The following PDE4B variants were observed in gnomAD, a reference collection of about 807,000 sequenced individuals.
PDE4B encodes the protein phosphodiesterase 4B, also known as 3',5'-cyclic-AMP phosphodiesterase 4B.
In PDE4B, 20 loss-of-function variants were observed where a neutral mutation model predicts 82.2. That is an observed-to-expected ratio of 0.24 (90% confidence interval 0.17 to 0.35). The LOEUF is 0.35. Among genes scored for constraint, PDE4B ranks in the 10% least tolerant of loss-of-function variants. The pLI, the probability that PDE4B is intolerant of heterozygous loss-of-function variation, is 1.00. For synonymous variants in PDE4B, 320 were observed against 318.9 expected (o/e 1.00, Z -0.04); for missense variants, 655 against 907.2 (o/e 0.72, Z 3.57).
At chr1:66,015,970 G>A (rs886850963) in intron 3 of PDE4B, among the ~76,000 whole-genome samples, 11 of 152,168 alleles carry the variant, frequency 7.2e-5, no homozygotes, top group African/African-American at 1.9e-4. Context: ...GCTAGGCATT[G>A]GAGAAATTGA....
intron 3 of PDE4B, among the ~76,000 whole-genome samples, chr1:65,988,056 C>T (rs1031215959): frequency 6.6e-6 from 1 of 152,130 alleles, no homozygotes; most frequent in African/African-American, 2.4e-5. Context: ...AAGACTCAGC[C>T]CAGCCCAAAA....
At chr1:66,162,907 T>C (rs576459229) in intron 3 of PDE4B, among the ~76,000 whole-genome samples, 19 of 152,304 alleles carry the variant, frequency 1.2e-4, no homozygotes, top group African/African-American at 3.6e-4. Context: ...TTTTTGACTG[T>C]AAGAAACAGA....
intron 3 of PDE4B, among the ~76,000 whole-genome samples, chr1:66,196,287 C>T (rs1648289989): frequency 6.6e-6 from 1 of 152,208 alleles, no homozygotes; most frequent in African/African-American, 2.4e-5. Context: ...CACTTTTCTT[C>T]TCTGAACTTT....
intron 1 of PDE4B, among the ~76,000 whole-genome samples, chr1:65,879,278 C>A (rs1433983600): frequency 6.6e-6 from 1 of 152,138 alleles, no homozygotes; most frequent in Non-Finnish European, 1.5e-5. Context: ...TAACAGATAA[C>A]TACTGTGTAG....
rs867712956 is a variant in PDE4B at position 66,204,410 on chromosome 1, G to T, written c.282-43050G>T. Among the ~76,000 whole-genome samples the T allele has an allele frequency of 3.9e-5, 6 of 152,298 alleles. No individual in the cohort carries two copies. The Middle Eastern group carries it at 0.01, about 259-fold the overall frequency. On this transcript the variant is annotated intron_variant, in intron 3 of 16. Coordinates refer to ENST00000341517, the MANE Select transcript of PDE4B (RefSeq NM_002600.4). The stretch of plus-strand genomic sequence containing the variant: ...GACGTTTAAGTTTGCAGAGGTTACT[G>T]CTGTCTTTTTGTTTGTCTGTGCCCT...
chr1:65,890,449 T>C (rs549083179), intron 1 of PDE4B, among the ~76,000 whole-genome samples: 31 of 152,212 alleles, frequency 2.0e-4, no homozygotes, highest in African/African-American at 7.0e-4. Context: ...TTAGTTTCAG[T>C]TGAGCTTTGC....
chr1:66,203,548 T>G (rs549502128), intron 3 of PDE4B, among the ~76,000 whole-genome samples: 1 of 152,284 alleles, frequency 6.6e-6, no homozygotes, highest in Non-Finnish European at 1.5e-5. Context: ...GTTCGTTTCT[T>G]TTTATTCTTT....
intron 3 of PDE4B, among the ~76,000 whole-genome samples, chr1:66,019,380 G>C (rs1652964356): frequency 8.2e-6 from 1 of 122,332 alleles, no homozygotes; most frequent in Non-Finnish European, 1.7e-5. Flanking sequence ...TTTTGAGATG[G>C]AGTCTTGCTC....
chr1:66,313,329 C>G (rs954050613), intron 7 of PDE4B, among the ~76,000 whole-genome samples: 1 of 152,234 alleles, frequency 6.6e-6, no homozygotes, highest in African/African-American at 2.4e-5. Context: ...ACTCTCAAAA[C>G]AGTCTTGCTG....
intron 7 of PDE4B, among the ~76,000 whole-genome samples, chr1:66,308,959 AG>A (rs1212677106): frequency 6.6e-6 from 1 of 152,206 alleles, no homozygotes; most frequent in East Asian, 1.9e-4. Context: ...ATTAGAAAAA[AG>A]AAGGTTCAAA....
Position 66,278,779 on chromosome 1 carries a change from C to T in PDE4B, c.634+12692C>T, listed in dbSNP as rs549272511. 1.1e-4 allele frequency among the ~76,000 whole-genome samples: 16 copies of T among 151,814 alleles called. 1 individual carries two copies. Among genetic ancestry groups the T allele is most frequent in the South Asian group, 1.0e-3 (5 of 4,794 alleles). ...CATGCAGCTGCACGGGGTACCTGCC[C>T]GGACAAACAATGAATCCTTCAGCTC... On this transcript the variant is annotated intron_variant, in intron 7 of 16. Coordinates refer to ENST00000341517, the MANE Select transcript of PDE4B (RefSeq NM_002600.4).
chr1:66,332,475 A>G, intron 7 of PDE4B, 33 bp from the exon 8 acceptor site: 1 of 1,614,204 alleles, frequency 6.2e-7, no homozygotes. Flanking sequence ...CAGCCGCTCC[A>G]GCCTAACTAC....
At chr1:66,114,588 A>G (rs1282316471) in intron 3 of PDE4B, among the ~76,000 whole-genome samples, 1 of 151,068 alleles carries the variant, frequency 6.6e-6, no homozygotes, top group African/African-American at 2.4e-5. Flanking sequence ...AACACAGACT[A>G]TGTCTTACTT....
At chr1:66,178,893 G>T (rs558180845) in intron 3 of PDE4B, among the ~76,000 whole-genome samples, 10 of 151,758 alleles carry the variant, frequency 6.6e-5, no homozygotes, top group African/African-American at 2.4e-4. Flanking sequence ...ATCTTGCTGC[G>T]CAGGCTGGAG....
At chr1:65,873,804 T>C (rs1378299689) in intron 1 of PDE4B, among the ~76,000 whole-genome samples, 1 of 152,214 alleles carries the variant, frequency 6.6e-6, no homozygotes, top group Non-Finnish European at 1.5e-5. Flanking sequence ...AGGTAGAGAT[T>C]TTTAAAACAA....
chr1:65,994,270 C>T (rs763861581), intron 3 of PDE4B, among the ~76,000 whole-genome samples: 31 of 152,138 alleles, frequency 2.0e-4, no homozygotes, highest in South Asian at 6.2e-4. Context: ...ATTAAAGTTA[C>T]GCCTAGAAAT....
chr1:65,805,719 A>G (rs905519742), intron 1 of PDE4B, among the ~76,000 whole-genome samples: 11 of 152,098 alleles, frequency 7.2e-5, no homozygotes, highest in East Asian at 1.9e-4. Flanking sequence ...TTTTTCTTCT[A>G]TTTTACACCT....
chr1:65,940,585 T>C (rs1282839668), intron 3 of PDE4B, among the ~76,000 whole-genome samples: 1 of 151,830 alleles, frequency 6.6e-6, no homozygotes, highest in East Asian at 1.9e-4. Context: ...AGTGAAAGGA[T>C]TTAATTGCTT....
intron 1 of PDE4B, among the ~76,000 whole-genome samples, chr1:65,869,350 A>G (rs574178336): frequency 1.4e-3 from 207 of 152,334 alleles, no homozygotes; most frequent in African/African-American, 4.6e-3. Context: ...ATCATTCAAG[A>G]ATTTTTGTCA....
Sources: gnomAD v4.1 joint callset for allele counts (sites outside exome capture counted in the v4.1 genomes callset) on GRCh38, gnomAD v4.1.1 for gene constraint, MANE v1.5 for transcripts, NCBI Gene and HGNC (gene_info 2026-07-23, HGNC 2026-07-21) for gene names.